Variants in NLGN1 observed in about 807,000 individuals in gnomAD.
NLGN1 encodes neuroligin-1.
NLGN1 carries 12 observed loss-of-function variants against 65.5 expected under a neutral mutation model. That is an observed-to-expected ratio of 0.18 (90% CI 0.12 to 0.30). NLGN1 has a LOEUF of 0.30. Among genes scored for constraint, NLGN1 ranks in the 10% least tolerant of loss-of-function variants. NLGN1 has a pLI of 1.00. For missense variants in NLGN1, 750 were observed against 1,007.1 expected (o/e 0.74, Z 3.46); for synonymous variants, 350 against 359.5 (o/e 0.97, Z 0.30).
At position 173,511,940 on chromosome 3, in the gene NLGN1, C is replaced by T. The variant is rs188996509; in HGVS notation, c.-321+76862C>T. 2.9e-3 allele frequency among the ~76,000 whole-genome samples: 440 copies of T among 152,276 alleles called. 3 individuals are homozygous for T. The highest frequency in any genetic ancestry group is 0.01 in the Middle Eastern group (3 of 294). ...ATATTGCAGGGTATTTTCTTGACCC[C>T]TTCCTAAGATTCATGACAGGGGTGC... On this transcript the variant is annotated intron_variant, in intron 2 of 6. Transcript: ENST00000457714.
In NLGN1 at chr3:174,082,979, G is replaced by A. The variant is rs1225766181; in HGVS notation, c.647-192336G>A. On this transcript the variant is annotated intron_variant, in intron 4 of 6. Transcript: ENST00000457714. ...TGACCTCAGGTGATCCGCCCATTTC[G>A]GCCTCCCGAAGGGCTGGGATCACAG... 3.9e-5 allele frequency among the ~76,000 whole-genome samples: 6 copies of A among 152,058 alleles called. No individual in the cohort carries two copies. In the East Asian group the frequency reaches 9.6e-4, roughly 24 times the overall value.
intron 3 of NLGN1, among the ~76,000 whole-genome samples, chr3:173,801,092 T>C (rs1033545997): frequency 2.0e-5 from 3 of 151,970 alleles, no homozygotes; most frequent in Admixed American, 2.0e-4. Context: ...GATTGTCAAA[T>C]AAAATATTCT....
intron 4 of NLGN1, among the ~76,000 whole-genome samples, chr3:173,942,170 A>G (rs925451003): frequency 3.3e-5 from 5 of 149,944 alleles, no homozygotes; most frequent in Non-Finnish European, 7.4e-5. Flanking sequence ...GTGTATATAT[A>G]ATATGTGTAT....
chr3:174,143,724 C>T (rs961996976), intron 4 of NLGN1, among the ~76,000 whole-genome samples: 1 of 152,002 alleles, frequency 6.6e-6, no homozygotes, highest in African/African-American at 2.4e-5. Flanking sequence ...TCACTTCAAC[C>T]TTCAATGTGT....
chr3:174,037,736 GT>G (rs918548507), intron 4 of NLGN1, among the ~76,000 whole-genome samples: 4 of 152,172 alleles, frequency 2.6e-5, no homozygotes, highest in African/African-American at 9.7e-5. Flanking sequence ...TATTTTGCAT[GT>G]TTTAGCACCT....
At chr3:173,989,738 C>T (rs1720707446) in intron 4 of NLGN1, among the ~76,000 whole-genome samples, 1 of 152,132 alleles carries the variant, frequency 6.6e-6, no homozygotes, top group African/African-American at 2.4e-5. Flanking sequence ...AATCAAAGAC[C>T]TTCTCCTCCC....
chr3:173,582,908 C>T (rs1746623072), intron 2 of NLGN1, among the ~76,000 whole-genome samples: 1 of 152,058 alleles, frequency 6.6e-6, no homozygotes, highest in African/African-American at 2.4e-5. Flanking sequence ...GGTCTTTAAC[C>T]CACCTTAACA....
chr3:173,699,133 A>G (rs900997729), intron 3 of NLGN1, among the ~76,000 whole-genome samples: 3 of 152,074 alleles, frequency 2.0e-5, no homozygotes, highest in Admixed American at 1.3e-4. Context: ...TGGGATTACA[A>G]GCGTGAGCCA....
intron 4 of NLGN1, among the ~76,000 whole-genome samples, chr3:174,052,629 C>A (rs1353889580): frequency 1.3e-5 from 2 of 151,744 alleles, no homozygotes; most frequent in Non-Finnish European, 2.9e-5. Flanking sequence ...TGTGATAGGA[C>A]CCTTGAGGCT....
intron 1 of NLGN1, among the ~76,000 whole-genome samples, chr3:173,415,890 A>AATATATATATATAT (rs149873787): frequency 3.4e-3 from 452 of 134,556 alleles, no homozygotes; most frequent in African/African-American, 0.011. Context: ...GCAAGGAGTA[A>AATATATATATATAT]ATATATATAT....
At chr3:173,933,451 G>C (rs959106473) in intron 4 of NLGN1, among the ~76,000 whole-genome samples, 2 of 152,176 alleles carry the variant, frequency 1.3e-5, no homozygotes, top group African/African-American at 4.8e-5. Context: ...ATTCTAGAGA[G>C]AGTGTAATAA....
intron 4 of NLGN1, among the ~76,000 whole-genome samples, chr3:174,027,132 G>C (rs541728285): frequency 1.3e-5 from 2 of 150,668 alleles, no homozygotes; most frequent in African/African-American, 2.4e-5. Flanking sequence ...TCTTCACCAA[G>C]CCTTTAAAGC....
chr3:173,570,577 A>G (rs151177258), intron 2 of NLGN1, among the ~76,000 whole-genome samples: 310 of 152,298 alleles, frequency 2.0e-3, no homozygotes, highest in African/African-American at 7.3e-3. Flanking sequence ...TTAGCGCTCC[A>G]GGAAGCCCTC....
At chr3:174,154,812 TATTGTAGATAGATATATAG>T (rs1725020705) in intron 4 of NLGN1, among the ~76,000 whole-genome samples, 3 of 63,760 alleles carry the variant, frequency 4.7e-5, no homozygotes, top group African/African-American at 4.3e-4. Context: ...TAGATAAAGA[TATTGTAGATAGATATATAG>T]ATATTGTAGA....
intron 2 of NLGN1, among the ~76,000 whole-genome samples, chr3:173,496,286 C>T (rs1006178152): frequency 1.3e-5 from 2 of 151,760 alleles, no homozygotes; most frequent in African/African-American, 2.4e-5. Flanking sequence ...TCAAGAATCG[C>T]ATTTGAATAG....
intron 4 of NLGN1, among the ~76,000 whole-genome samples, chr3:174,133,697 T>A (rs1720640612): frequency 6.6e-6 from 1 of 152,112 alleles, no homozygotes; most frequent in Non-Finnish European, 1.5e-5. Context: ...TTCCTCTGAC[T>A]GTAAGAGCAA....
chr3:173,517,724 C>G (rs1478683004), intron 2 of NLGN1, among the ~76,000 whole-genome samples: 2 of 151,720 alleles, frequency 1.3e-5, no homozygotes, highest in Non-Finnish European at 2.9e-5. Context: ...GCATAATGCA[C>G]TTTTCTGCAC....
At chr3:173,878,931 G>T (rs532924579) in intron 4 of NLGN1, among the ~76,000 whole-genome samples, 3 of 152,006 alleles carry the variant, frequency 2.0e-5, no homozygotes, top group Non-Finnish European at 4.4e-5. Flanking sequence ...TGACAGTTCC[G>T]TCAGAAATGT....
intron 4 of NLGN1, among the ~76,000 whole-genome samples, chr3:173,891,001 A>C (rs1307616139): frequency 6.6e-6 from 1 of 152,220 alleles, no homozygotes; most frequent in Non-Finnish European, 1.5e-5. Flanking sequence ...GACTGAAGAC[A>C]AGTGGAGATC....
Sources: allele counts gnomAD v4.1 joint callset (sites outside exome capture counted in the v4.1 genomes callset), GRCh38; gene constraint gnomAD v4.1.1; transcripts MANE v1.5; gene names NCBI Gene and HGNC (gene_info 2026-07-23, HGNC 2026-07-21).